The following SPEG variants were observed in gnomAD, a reference collection of about 807,000 sequenced individuals.
The protein encoded by SPEG is striated muscle preferentially expressed protein kinase.
Under a neutral mutation model 300.4 loss-of-function variants are expected in SPEG, and 114 were observed. The ratio of observed to expected loss-of-function variants is 0.38; its 90% confidence interval spans 0.33 to 0.44. The LOEUF is 0.44. Among genes scored for constraint, SPEG ranks in the 20% least tolerant of loss-of-function variants. SPEG has a pLI of 1.00. For synonymous variants in SPEG, 1,964 were observed against 2,018.9 expected, an observed-to-expected ratio of 0.97 and a Z score of 0.73; for missense variants, 4,201 against 4,586.2, an observed-to-expected ratio of 0.92 and a Z score of 2.43.
At chr2:219,457,435 T>C (rs1690277535) in intron 6 of SPEG, among the ~76,000 whole-genome samples, 1 of 152,112 alleles carries the variant, frequency 6.6e-6, no homozygotes, top group Non-Finnish European at 1.5e-5. Context: ...ATACAAAAAT[T>C]AGCCAGGTGT....
intron 9 of SPEG, chr2:219,465,001 T>G: frequency 7.6e-6 from 1 of 131,178 alleles, no homozygotes; most frequent in Non-Finnish European, 1.5e-5. Flanking sequence ...TTGCCCACCC[T>G]CCCATCCCAT....
intron 31 of SPEG, among the ~76,000 whole-genome samples, chr2:219,485,724 T>G (rs939921173): frequency 6.6e-6 from 1 of 152,230 alleles, no homozygotes; most frequent in Admixed American, 6.5e-5. Context: ...AGTATCATTG[T>G]CTCTACTGTA....
chr2:219,444,975 G>A lies in SPEG; in HGVS notation c.629G>A (p.Gly210Asp). The change falls in exon 3 of 41, where the codon GGC (glycine) becomes GAC (aspartate). Residue 210 changes from glycine to aspartate, a missense_variant. Gly to Asp is a moderately conservative substitution (Grantham distance 94, BLOSUM62 -1). Coordinates refer to ENST00000312358, the MANE Select transcript of SPEG (RefSeq NM_005876.5). This position sits in a 1 kb window ranked among gnomAD's most constrained non-coding sequence, Gnocchi z 7.8. The stretch of plus-strand genomic sequence containing the variant: ...GGGGGTGGCACCCGCCGCCTCCCGG[G>A]CAGCCCAAGGCAAGCACAGGCAACC... Reference protein sequence around the residue: ...GSGGGTRRLPGSPRQAQATGA... With the variant: ...GSGGGTRRLPDSPRQAQATGA... 6.2e-7 allele frequency: 1 copy of A among 1,607,928 alleles called. No homozygotes were observed. Among genetic ancestry groups the A allele is most frequent in the South Asian group, 1.1e-5 (1 of 90,534 alleles).
In SPEG at chr2:219,472,958, A is replaced by G. The variant is rs1254140448; in HGVS notation, c.4009A>G (p.Thr1337Ala). 6.2e-7 allele frequency: 1 copy of G among 1,613,758 alleles called. No homozygotes were observed. Among genetic ancestry groups the G allele is most frequent in the Admixed American group, 1.7e-5 (1 of 60,014 alleles). The part of the protein sequence containing the change: ...LGSDQWTALV[T>A]GLREPGWAAT... ...CTCGGACCAGTGGACGGCACTGGTC[A>G]CAGGCCTGCGGGAGCCAGGGTGGGC... is the stretch of plus-strand genomic sequence containing the variant. The change falls in exon 16 of 41, where the codon ACA (threonine) becomes GCA (alanine). Residue 1337 changes from threonine (T) to alanine (A), a missense_variant. Thr to Ala is a moderately conservative substitution (Grantham distance 58). Transcript: ENST00000312358.
At chr2:219,485,608 C>T (rs1222333830) in intron 31 of SPEG, 131 bp downstream of exon 31, 2 of 847,910 alleles carry the variant, frequency 2.4e-6, no homozygotes, top group South Asian at 2.2e-5. Context: ...GCTCAGACAA[C>T]TATAACAATA....
Position 219,464,148 on chromosome 2 carries a change from AAG to A in SPEG, c.2706-282_2706-281del, listed in dbSNP as rs1420834321. On this transcript the variant is annotated intron_variant, in intron 8 of 40. Transcript: ENST00000312358. The surrounding 1 kb of genome is among the most constrained non-coding windows in gnomAD (Gnocchi z 4.5). ...AAAAAAAAAAAAAAAGACAAGAAAA[AAG>A]AGCTAAATAGCACGGCTCCACTCTG... Among the ~76,000 whole-genome samples, 1 of 151,564 alleles carries A rather than the reference AAG, an allele frequency of 6.6e-6. No individual in the cohort carries two copies. Among genetic ancestry groups the A allele is most frequent in the Non-Finnish European group, 1.5e-5 (1 of 67,874 alleles).
intron 13 of SPEG, among the ~76,000 whole-genome samples, chr2:219,471,430 G>A (rs1262867533): frequency 6.6e-6 from 1 of 152,152 alleles, no homozygotes; most frequent in Non-Finnish European, 1.5e-5. Context: ...GAGACAGAAT[G>A]GCAGTGGCCT....
Position 219,484,683 on chromosome 2 carries a change from G to GCCGCCTCT in SPEG, c.7222_7229dup (p.Leu2411AlafsTer50). On this transcript the variant is annotated frameshift_variant, in exon 30 of 41. Coordinates refer to ENST00000312358, the MANE Select transcript of SPEG (RefSeq NM_005876.5). LOFTEE classifies it high-confidence loss of function. The stretch of plus-strand genomic sequence containing the variant: ...GCTGTCGGAGAGCCTGGCCTCGTCC[G>GCCGCCTCT]CCGCCTCTCGCTGTCACTGTCCCAG... The GCCGCCTCT allele has an allele frequency of 1.3e-6, 2 of 1,518,340 alleles. No homozygotes were observed. Among genetic ancestry groups the GCCGCCTCT allele is most frequent in the Non-Finnish European group, 1.8e-6 (2 of 1,141,460 alleles). The allele number at this position is 1,518,340 out of a possible 1,614,324, so 94.1% of individuals were successfully genotyped here.
chr2:219,452,358 C>A (rs143701658), intron 6 of SPEG, among the ~76,000 whole-genome samples: 2 of 152,276 alleles, frequency 1.3e-5, no homozygotes, highest in East Asian at 3.9e-4. Flanking sequence ...GCCTTGTTTT[C>A]TATTTTTGTG....
Position 219,448,152 on chromosome 2 carries a change from C to G in SPEG, c.994C>G (p.Pro332Ala). Residue 332 changes from proline (P) to alanine (A), a missense_variant, in exon 4 of 41, where the codon CCC becomes GCC. Pro to Ala is a conservative substitution (Grantham distance 27). This residue lies in a region of SPEG where 1,258 missense variants were observed against 1,293.9 expected (regional missense o/e 0.97). Coordinates refer to ENST00000312358, the MANE Select transcript of SPEG (RefSeq NM_005876.5). The part of the protein sequence containing the change: ...PGPPAQPAAT[P>A]TSPHRRTQEP... ...ACCCCCGGCCCAGCCCGCGGCCACCCCCACGTCGCCCCACCGTCGCACTCA... is the reference window on the plus strand; with the variant it reads ...ACCCCCGGCCCAGCCCGCGGCCACCGCCACGTCGCCCCACCGTCGCACTCA... The G allele has an allele frequency of 6.2e-7, 1 of 1,609,674 alleles. No individual in the cohort carries two copies.
At chr2:219,456,068 G>A (rs564157501) in intron 6 of SPEG, among the ~76,000 whole-genome samples, 2 of 152,328 alleles carry the variant, frequency 1.3e-5, no homozygotes, top group South Asian at 4.1e-4. Flanking sequence ...ACACCAGCCA[G>A]GCCACCTACT....
intron 6 of SPEG, chr2:219,460,680 C>G: frequency 1.0e-6 from 1 of 985,220 alleles, no homozygotes; most frequent in South Asian, 4.7e-5. Flanking sequence ...CCTCTCCCCT[C>G]TCCTCCCCCT....
Position 219,444,385 on chromosome 2 carries a change from C to T in SPEG, c.389-268C>T, listed in dbSNP as rs146556470. On this transcript the variant is annotated intron_variant, in intron 1 of 40. Transcript: ENST00000312358. This position sits in a 1 kb window ranked among gnomAD's most constrained non-coding sequence, Gnocchi z 7.8. The stretch of plus-strand genomic sequence containing the variant: ...GATAATCCATTAAGATATTGGCAGG[C>T]GGGGAGGGGGTGGCAGTTTGGAGGG... Among the ~76,000 whole-genome samples, 748 of 151,916 alleles carry T rather than the reference C, an allele frequency of 4.9e-3. 7 individuals carry two copies. Among genetic ancestry groups the T allele is most frequent in the African/African-American group, 0.017 (709 of 41,408 alleles).
chr2:219,463,386 A>G (rs1575103434), intron 8 of SPEG, among the ~76,000 whole-genome samples: 1 of 88,850 alleles, frequency 1.1e-5, no homozygotes, highest in Non-Finnish European at 2.2e-5. Flanking sequence ...TCTGGTCCCC[A>G]CTGTGATTTT....
chr2:219,456,034 C>A (rs1406981753), intron 6 of SPEG, among the ~76,000 whole-genome samples: 1 of 152,226 alleles, frequency 6.6e-6, no homozygotes, highest in Non-Finnish European at 1.5e-5. Flanking sequence ...TCATGGTTTT[C>A]TTGGCTGTAA....
rs746044389 is a variant in SPEG, at chr2:219,489,418, T to G, written c.8400T>G (p.Pro2800=). 1 of 1,612,164 alleles carries G rather than the reference T, an allele frequency of 6.2e-7. No homozygotes were observed. Among genetic ancestry groups the G allele is most frequent in the South Asian group, 1.1e-5 (1 of 90,956 alleles). ...CCAGGGCCCGGCCTCCTGACTCTCC[T>G]ACCTCACTGGCCCCACCCCTAGCTC... ...RPARARPPDS[P]TSLAPPLAPA... Residue 2800 remains proline, a synonymous_variant, in exon 36 of 41, where the codon CCT becomes CCG. Transcript: ENST00000312358.
In SPEG at chr2:219,448,451, C is replaced by A; in HGVS notation, c.1293C>A (p.Arg431=). The A allele has an allele frequency of 6.6e-7, 1 of 1,507,836 alleles. No homozygotes were observed. Among genetic ancestry groups the A allele is most frequent in the East Asian group, 2.6e-5 (1 of 38,402 alleles). 93.4% of individuals were successfully genotyped at this position (1,507,836 alleles called of 1,614,324 possible). ...CCCTGCGGCCCTGGGTGCCCCTGCG[C>A]AAGGCCCGCTCTCTGGAGCAGCCCA... The part of the protein sequence containing the change: ...PAPLRPWVPL[R]KARSLEQPKS... Residue 431 remains arginine (R), a synonymous_variant, in exon 4 of 41, where the codon CGC becomes CGA. Transcript: ENST00000312358.
Position 219,448,936 on chromosome 2 carries a change from G to C in SPEG, c.1778G>C (p.Arg593Pro), listed in dbSNP as rs1021481422. ...GEGPQQEVRR[R>P]DQFPLTRSRA... ...GGCCCGCAGCAGGAGGTTAGGCGTC[G>C]GGACCAATTCCCGCTGACCCGGAGC... Residue 593 changes from arginine to proline, a missense_variant, in exon 4 of 41, where the codon CGG (arginine) becomes CCG (proline). Physicochemically the swap from Arg to Pro is moderately radical, Grantham distance 103 (BLOSUM62 -2). Coordinates refer to ENST00000312358, the MANE Select transcript of SPEG (RefSeq NM_005876.5). The C allele has an allele frequency of 5.4e-6, 8 of 1,493,824 alleles. No homozygotes were observed. The highest frequency in any genetic ancestry group is 7.1e-6 in the Non-Finnish European group (8 of 1,126,694). The allele number at this position is 1,493,824 out of a possible 1,614,324, so 92.5% of individuals were successfully genotyped here. A position where few individuals can be genotyped will look rare whatever the true frequency, so the allele number is the denominator to read the frequency against.
chr2:219,474,991 G>A (rs1242021762), intron 18 of SPEG, among the ~76,000 whole-genome samples: 1 of 151,984 alleles, frequency 6.6e-6, no homozygotes, highest in Admixed American at 6.6e-5. Context: ...TGCTATGTTG[G>A]CCAGGCTGGT....
Sources: allele counts gnomAD v4.1 joint callset (sites outside exome capture counted in the v4.1 genomes callset), GRCh38; gene constraint gnomAD v4.1.1; regional missense constraint gnomAD v4.1.1; non-coding constraint Gnocchi (gnomAD v3.1); transcripts MANE v1.5; gene names NCBI Gene and HGNC (gene_info 2026-07-23, HGNC 2026-07-21).